The following DPP10 variants were observed in gnomAD, a reference collection of about 807,000 sequenced individuals.
DPP10 encodes the protein dipeptidyl peptidase like 10.
A neutral mutation model predicts 120.9 loss-of-function variants in DPP10; 33 were observed. That is an observed-to-expected ratio of 0.27 (90% confidence interval 0.21 to 0.37). The LOEUF (loss-of-function observed/expected upper bound fraction) is 0.37, where lower values mean the gene tolerates loss of function less well. DPP10 is among the 10% of genes least tolerant of loss of function. The pLI is 1.00. For synonymous variants in DPP10, 337 were observed against 326.1 expected, an observed-to-expected ratio of 1.03 and a Z score of -0.36; for missense variants, 816 against 942.8, an observed-to-expected ratio of 0.87 and a Z score of 1.76.
chr2:114,877,070 T>G (rs1400047821), intron 1 of DPP10, among the ~76,000 whole-genome samples: 1 of 152,106 alleles, frequency 6.6e-6, no homozygotes, highest in Non-Finnish European at 1.5e-5. Context: ...TGCAAATATA[T>G]GACTATTTAA....
At chr2:115,838,094 G>A (rs1689720124) in intron 24 of DPP10, among the ~76,000 whole-genome samples, 1 of 152,128 alleles carries the variant, frequency 6.6e-6, no homozygotes, top group African/African-American at 2.4e-5. Context: ...TGGGGAAACT[G>A]GAGGACGGGT....
intron 3 of DPP10, among the ~76,000 whole-genome samples, chr2:115,366,049 C>T (rs188562859): frequency 1.3e-5 from 2 of 152,042 alleles, no homozygotes; most frequent in Non-Finnish European, 2.9e-5. Context: ...AGAAAAAGGA[C>T]ACCATCAGTG....
At chr2:115,187,210 G>T (rs1204323029) in intron 1 of DPP10, among the ~76,000 whole-genome samples, 1 of 149,692 alleles carries the variant, frequency 6.7e-6, no homozygotes, top group African/African-American at 2.5e-5. Flanking sequence ...CTAATTTTTT[G>T]TATTTTTAGT....
intron 1 of DPP10, among the ~76,000 whole-genome samples, chr2:114,941,223 T>C (rs1696873071): frequency 6.6e-6 from 1 of 152,240 alleles, no homozygotes; most frequent in Non-Finnish European, 1.5e-5. Flanking sequence ...TAGACACTAT[T>C]CAAATCTCTG....
intron 1 of DPP10, chr2:115,161,836 C>A (rs1484613337): frequency 2.0e-6 from 2 of 1,009,878 alleles, no homozygotes; most frequent in Admixed American, 8.5e-5. Context: ...GCTCCCCCCA[C>A]CCCGTCCCTT....
At chr2:115,469,885 A>C (rs757641069) in intron 3 of DPP10, among the ~76,000 whole-genome samples, 2 of 103,890 alleles carry the variant, frequency 1.9e-5, no homozygotes, top group African/African-American at 6.2e-5. Context: ...GCAACAAGAG[A>C]AAAAAAAAAA....
At chr2:115,281,744 A>T (rs967223052) in intron 1 of DPP10, among the ~76,000 whole-genome samples, 9 of 152,188 alleles carry the variant, frequency 5.9e-5, no homozygotes, top group African/African-American at 1.9e-4. Context: ...ATAGGATATA[A>T]ATATACATGA....
At chr2:115,309,730 C>T (rs2061503995) in intron 2 of DPP10, among the ~76,000 whole-genome samples, 1 of 151,920 alleles carries the variant, frequency 6.6e-6, no homozygotes, top group Non-Finnish European at 1.5e-5. Context: ...GATAACCCAA[C>T]TGTATGGAAA....
intron 21 of DPP10, among the ~76,000 whole-genome samples, chr2:115,831,589 T>C (rs192703540): frequency 3.1e-3 from 479 of 152,212 alleles, no homozygotes; most frequent in Non-Finnish European, 5.6e-3. Context: ...TTTTACTATA[T>C]TCATAAAGTC....
At chr2:115,550,524 A>C (rs2079810374) in intron 5 of DPP10, among the ~76,000 whole-genome samples, 1 of 152,072 alleles carries the variant, frequency 6.6e-6, no homozygotes, top group African/African-American at 2.4e-5. Context: ...ACAACCCAGA[A>C]ATATCCCCTT....
At chr2:115,803,837 G>A (rs368064337) in intron 19 of DPP10, among the ~76,000 whole-genome samples, 1 of 152,096 alleles carries the variant, frequency 6.6e-6, no homozygotes, top group African/African-American at 2.4e-5. Context: ...TGGGTAACCC[G>A]ACCTTTCTCT....
intron 19 of DPP10, among the ~76,000 whole-genome samples, chr2:115,800,181 G>A (rs1056990660): frequency 1.1e-4 from 16 of 151,694 alleles, no homozygotes; most frequent in Non-Finnish European, 1.9e-4. Context: ...TGCTCTGATG[G>A]CCAGTGATGA....
chr2:115,339,012 G>C (rs751682844), intron 2 of DPP10, among the ~76,000 whole-genome samples: 1 of 152,156 alleles, frequency 6.6e-6, no homozygotes, highest in African/African-American at 2.4e-5. Flanking sequence ...AGGGTGAAAA[G>C]ACAACTTACA....
chr2:114,506,328 G>A (rs12328542), intron 1 of DPP10, among the ~76,000 whole-genome samples: 1,939 of 152,244 alleles, frequency 0.013, 48 homozygotes, highest in African/African-American at 0.043. Flanking sequence ...GAATCCGGCC[G>A]TTCCTCCTCC....
intron 1 of DPP10, among the ~76,000 whole-genome samples, chr2:115,044,734 G>T (rs537507110): frequency 6.6e-6 from 1 of 151,986 alleles, no homozygotes; most frequent in African/African-American, 2.4e-5. Context: ...TTAGGTACTC[G>T]TTAACCATTC....
intron 8 of DPP10, among the ~76,000 whole-genome samples, chr2:115,730,464 C>A (rs1052658197): frequency 6.6e-6 from 1 of 152,148 alleles, no homozygotes; most frequent in African/African-American, 2.4e-5. Context: ...CATTGAACCA[C>A]GTACTGACGT....
intron 1 of DPP10, among the ~76,000 whole-genome samples, chr2:114,472,073 G>A (rs1018354940): frequency 6.6e-6 from 1 of 152,210 alleles, no homozygotes; most frequent in Non-Finnish European, 1.5e-5. Context: ...CGAAAGGCAG[G>A]AGACTGTTTA....
intron 1 of DPP10, among the ~76,000 whole-genome samples, chr2:114,894,883 T>C (rs1387237937): frequency 2.0e-5 from 3 of 152,140 alleles, no homozygotes. Context: ...GGAAAGGACA[T>C]AGCTTATGAG....
At chr2:115,414,096 T>G (rs2104606370) in intron 3 of DPP10, among the ~76,000 whole-genome samples, 1 of 152,246 alleles carries the variant, frequency 6.6e-6, no homozygotes, top group South Asian at 2.1e-4. Context: ...CATGCCAGGT[T>G]TGTCTAGGGG....
Sources: allele counts gnomAD v4.1 joint callset (sites outside exome capture counted in the v4.1 genomes callset), GRCh38; gene constraint gnomAD v4.1.1; transcripts MANE v1.5; gene names NCBI Gene and HGNC (gene_info 2026-07-23, HGNC 2026-07-21).